The following CTBP2 variants were observed in gnomAD, a reference collection of about 807,000 sequenced individuals.
The protein encoded by CTBP2 is C-terminal-binding protein 2.
In CTBP2, 30 loss-of-function variants were observed where a neutral mutation model predicts 80.3. The ratio of observed to expected loss-of-function variants is 0.37; its 90% CI spans 0.28 to 0.51. The LOEUF is 0.51. CTBP2 is among the 20% of genes least tolerant of loss of function. The pLI, the probability that CTBP2 is intolerant of heterozygous loss-of-function variation, is 0.93. For synonymous variants in CTBP2, 594 were observed against 587.4 expected, an observed-to-expected ratio of 1.01 and a Z score of -0.16; for missense variants, 1,212 against 1,375.3, an observed-to-expected ratio of 0.88 and a Z score of 1.88.
chr10:125,008,909 C>G lies in CTBP2; in HGVS notation c.1679-5417G>C, dbSNP rs548873070. Among the ~76,000 whole-genome samples, 63 of 152,352 alleles carry G rather than the reference C, an allele frequency of 4.1e-4. No homozygotes were observed. The South Asian group carries it at 0.012, about 30-fold the overall frequency. ...GCAAGCATTAGGTCATAGCCTGTTC[C>G]TCTTCCTTATTTGAAGGTGTTTTTA... On this transcript the variant is annotated intron_variant, in intron 1 of 8. Transcript: ENST00000309035.
rs1183706684 is a variant in CTBP2, at chr10:124,993,932, C to G, written c.2454G>C (p.Glu818Asp). The G allele has an allele frequency of 3.1e-6, 5 of 1,614,090 alleles. No homozygotes were observed. Among genetic ancestry groups the G allele is most frequent in the Non-Finnish European group, 4.2e-6 (5 of 1,180,052 alleles). The stretch of plus-strand genomic sequence containing the variant: ...CCTTGAGGGCTTGTGCTAAGGCTTT[C>G]TCGTCCACCAGGCCGCCACGGGCTG... Residue 818 changes from glutamate (E) to aspartate (D), a missense_variant, in exon 6 of 9, where the codon GAG (glutamate) becomes GAC (aspartate). This residue lies in a region of CTBP2 where 335 missense variants were observed against 504.7 expected (regional missense o/e 0.66). Coordinates refer to ENST00000309035, the MANE Select transcript of CTBP2 (RefSeq NM_022802.3).
intron 2 of CTBP2, among the ~76,000 whole-genome samples, chr10:125,098,674 GAGAGAGAGAGA>G (rs1564913717): frequency 3.4e-5 from 4 of 116,358 alleles, no homozygotes; most frequent in African/African-American, 1.6e-4. Context: ...GAGAGAGAGA[GAGAGAGAGAGA>G]GAGAGAGAGA....
intron 1 of CTBP2, among the ~76,000 whole-genome samples, chr10:125,154,651 CT>C (rs1312242706): frequency 1.0e-4 from 7 of 68,060 alleles, no homozygotes; most frequent in Non-Finnish European, 2.0e-4. Context: ...AGTGTCGTTG[CT>C]AAAAAAACTG....
At chr10:125,072,060 C>G (rs1284944039) in intron 2 of CTBP2, among the ~76,000 whole-genome samples, 2 of 152,202 alleles carry the variant, frequency 1.3e-5, no homozygotes, top group Non-Finnish European at 2.9e-5. Context: ...CTGGCCAGAA[C>G]ATAATCCACA....
intron 2 of CTBP2, among the ~76,000 whole-genome samples, chr10:125,068,734 G>A (rs537096435): frequency 6.6e-6 from 1 of 152,334 alleles, no homozygotes; most frequent in East Asian, 1.9e-4. Flanking sequence ...CTATGCAGAG[G>A]GGTTTCTGAG....
At chr10:125,029,563 G>A (rs374606606), upstream of CTBP2, among the ~76,000 whole-genome samples, 5 of 152,084 alleles carry the variant, frequency 3.3e-5, no homozygotes, top group East Asian at 3.9e-4. Context: ...CCTGGCCAGC[G>A]CCTCAGGATT....
intron 2 of CTBP2, among the ~76,000 whole-genome samples, chr10:125,085,086 G>C (rs577800831): frequency 1.2e-4 from 19 of 152,270 alleles, no homozygotes; most frequent in African/African-American, 4.3e-4. Flanking sequence ...ATGGGACTGC[G>C]ACAGAAATTA....
chr10:125,005,436 A>C, intron 1 of CTBP2: 1 of 1,107,644 alleles, frequency 9.0e-7, no homozygotes, highest in Non-Finnish European at 1.3e-6. Flanking sequence ...CAGGTCCCCA[A>C]ACAGGGTGTC....
upstream of CTBP2, among the ~76,000 whole-genome samples, chr10:125,030,453 G>A (rs1958059431): frequency 6.6e-6 from 1 of 152,226 alleles, no homozygotes; most frequent in Non-Finnish European, 1.5e-5. Context: ...TTCCAGAGAT[G>A]GATCCAGACA....
chr10:125,097,580 C>A (rs1338071259), intron 2 of CTBP2, among the ~76,000 whole-genome samples: 3 of 152,128 alleles, frequency 2.0e-5, no homozygotes, highest in African/African-American at 4.8e-5. Flanking sequence ...TACAGGCGCG[C>A]CTTAGGTGCA....
chr10:124,993,078 T>C (rs1952924080), intron 7 of CTBP2, 124 bp downstream of exon 9: 2 of 1,239,696 alleles, frequency 1.6e-6, no homozygotes, highest in Admixed American at 2.7e-5. Flanking sequence ...GCCCAACTCA[T>C]ATAAATTTGA....
rs1018260755 is a variant in CTBP2 at position 125,141,806 on chromosome 10, T to A, written c.-206+18513A>T. Among the ~76,000 whole-genome samples, 6 of 152,030 alleles carry A rather than the reference T, an allele frequency of 3.9e-5. No individual in the cohort carries two copies. The East Asian group carries it at 9.6e-4, about 24-fold the overall frequency. On this transcript the variant is annotated intron_variant, in intron 1 of 10. Coordinates refer to the CTBP2 transcript ENST00000337195. Reference sequence around the variant, plus strand: ...AAATACACAGCAAGCACACAGCAAGTACACAGTGAGCACGCGGCAAACACA... The same window carrying A: ...AAATACACAGCAAGCACACAGCAAGAACACAGTGAGCACGCGGCAAACACA...
chr10:125,129,851 T>A (rs1461664313), intron 1 of CTBP2, among the ~76,000 whole-genome samples: 1 of 151,996 alleles, frequency 6.6e-6, no homozygotes. Context: ...CCTCTGCCCG[T>A]GAGCTCAAGG....
At chr10:125,002,170 G>GC (rs1004814216) in intron 3 of CTBP2, among the ~76,000 whole-genome samples, 1 of 152,164 alleles carries the variant, frequency 6.6e-6, no homozygotes, top group African/African-American at 2.4e-5. Flanking sequence ...GCAGAGTACA[G>GC]CCCCCACCCC....
intron 2 of CTBP2, among the ~76,000 whole-genome samples, chr10:125,083,475 C>A (rs993624653): frequency 6.6e-6 from 1 of 152,270 alleles, no homozygotes; most frequent in African/African-American, 2.4e-5. Flanking sequence ...GCGAGGATAC[C>A]GCCCTCTGAG....
chr10:125,049,121 A>G (rs941838499), intron 2 of CTBP2, among the ~76,000 whole-genome samples: 10 of 70,470 alleles, frequency 1.4e-4, no homozygotes, highest in Admixed American at 1.2e-3. Flanking sequence ...ATACACACAC[A>G]ACACCCCTTT....
intron 2 of CTBP2, among the ~76,000 whole-genome samples, chr10:125,102,520 G>A (rs75490304): frequency 0.034 from 5,177 of 152,316 alleles, 302 homozygotes; most frequent in African/African-American, 0.12. Flanking sequence ...GGGTTTGCAG[G>A]GGGGTGGGGA....
chr10:125,077,704 G>A (rs1218387967), intron 2 of CTBP2, among the ~76,000 whole-genome samples: 3 of 152,164 alleles, frequency 2.0e-5, no homozygotes, highest in African/African-American at 7.2e-5. Context: ...GTCAGCTGAA[G>A]AAATCACCCA....
chr10:125,098,657 G>GGAGAGAGAGAGAGAGAGAGAGAGA (rs565818097), intron 2 of CTBP2, among the ~76,000 whole-genome samples: 3 of 44,968 alleles, frequency 6.7e-5, no homozygotes, highest in African/African-American at 1.9e-4. Context: ...TGGGGGAGGG[G>GGAGAGAGAGAGAGAGAGAGAGAGA]GAGAGAGAGA....
Sources: gnomAD v4.1 joint callset for allele counts (sites outside exome capture counted in the v4.1 genomes callset) on GRCh38, gnomAD v4.1.1 for gene constraint, gnomAD v4.1.1 regional missense constraint, MANE v1.5 for transcripts, NCBI Gene and HGNC (gene_info 2026-07-23, HGNC 2026-07-21) for gene names.